The following RAI14 variants were observed in gnomAD, a reference collection of about 807,000 sequenced individuals.
RAI14 encodes the protein ankycorbin.
Under a neutral mutation model 115.4 loss-of-function variants are expected in RAI14, and 45 were observed. The observed-to-expected ratio is 0.39, with a 90% CI of 0.31 to 0.50. The LOEUF is 0.50. RAI14 is among the 20% of genes least tolerant of loss of function. The pLI is 0.85. For missense variants in RAI14, 939 were observed against 1,131.2 expected (o/e 0.83, Z 2.44); for synonymous variants, 371 against 415.4 (o/e 0.89, Z 1.30).
chr5:34,809,896 A>T (rs947585226), intron 7 of RAI14, among the ~76,000 whole-genome samples: 1 of 152,184 alleles, frequency 6.6e-6, no homozygotes, highest in African/African-American at 2.4e-5. Flanking sequence ...CTTTGAGAAT[A>T]AATTTATATA....
chr5:34,824,573 G>A (rs1359932295), intron 15 of RAI14, 82 bp downstream of exon 15: 1 of 1,159,558 alleles, frequency 8.6e-7, no homozygotes, highest in African/African-American at 1.6e-5. Context: ...TATTTCTAGT[G>A]TTGGCACTAA....
intron 10 of RAI14, 36 bp from the exon 11 acceptor site, chr5:34,813,538 A>G: frequency 6.6e-7 from 1 of 1,512,470 alleles, no homozygotes; most frequent in Non-Finnish European, 9.2e-7. Context: ...AACCAAACTA[A>G]CCCACCTCCA....
intron 2 of RAI14, among the ~76,000 whole-genome samples, chr5:34,727,985 T>C (rs897960850): frequency 3.3e-5 from 5 of 152,140 alleles, no homozygotes; most frequent in African/African-American, 1.2e-4. Context: ...GCTTGCACCG[T>C]GCACCTGGGA....
intron 17 of RAI14, 121 bp from the exon 18 acceptor site, chr5:34,830,567 C>A: frequency 6.7e-7 from 1 of 1,497,494 alleles, no homozygotes; most frequent in Admixed American, 2.1e-5. Context: ...GCTGACATTC[C>A]TGTGAAAGAT....
At chr5:34,812,014 A>G in intron 9 of RAI14, 69 bp downstream of exon 9, 1 of 1,372,756 alleles carries the variant, frequency 7.3e-7, no homozygotes, top group Non-Finnish European at 1.0e-6. Context: ...GGATAAAGGA[A>G]TGTGTGCAAT....
At chr5:34,793,028 C>T (rs139395957) in intron 3 of RAI14, among the ~76,000 whole-genome samples, 2 of 152,282 alleles carry the variant, frequency 1.3e-5, no homozygotes, top group Admixed American at 6.5e-5. Flanking sequence ...CGCTATCACA[C>T]GATTTATTAA....
chr5:34,696,436 G>T (rs541307359), intron 2 of RAI14, among the ~76,000 whole-genome samples: 1 of 151,900 alleles, frequency 6.6e-6, no homozygotes, highest in Non-Finnish European at 1.5e-5. Context: ...ACGCCCGGCC[G>T]CATTTTACTT....
intron 3 of RAI14, among the ~76,000 whole-genome samples, chr5:34,766,025 G>A (rs1253583080): frequency 1.3e-5 from 2 of 152,212 alleles, no homozygotes; most frequent in Non-Finnish European, 2.9e-5. Context: ...GAGCTTACAA[G>A]TATACAAAAG....
chr5:34,670,939 C>G (rs1350985673), intron 1 of RAI14, among the ~76,000 whole-genome samples: 1 of 151,998 alleles, frequency 6.6e-6, no homozygotes, highest in Non-Finnish European at 1.5e-5. Flanking sequence ...TAGTTAATTC[C>G]CTATTGATGT....
intron 3 of RAI14, among the ~76,000 whole-genome samples, chr5:34,760,310 G>A (rs1390291967): frequency 6.6e-6 from 1 of 152,208 alleles, no homozygotes; most frequent in Non-Finnish European, 1.5e-5. Flanking sequence ...GCCTCCAAAA[G>A]TGCTGGGATT....
chr5:34,811,837 G>C lies in RAI14; in HGVS notation c.628G>C (p.Asp210His). 1 of 1,613,176 alleles carries C rather than the reference G, an allele frequency of 6.2e-7. No homozygotes were observed. The highest frequency in any genetic ancestry group is 1.1e-5 in the South Asian group (1 of 91,070). The stretch of plus-strand genomic sequence containing the variant: ...GGAAGCCTTAATTAAAAAGGGTGCA[G>C]ACCTAAACCTTGTAGATTCTCTTGG... ...AVEALIKKGA[D>H]LNLVDSLGYN... Residue 210 changes from aspartate (D) to histidine (H), a missense_variant, in exon 9 of 18, where the codon GAC becomes CAC. By Grantham distance (81) the Asp-to-His change is moderately conservative. Transcript: ENST00000265109.
At chr5:34,821,419 C>T (rs550348749) in intron 13 of RAI14, among the ~76,000 whole-genome samples, 1 of 152,050 alleles carries the variant, frequency 6.6e-6, no homozygotes, top group East Asian at 1.9e-4. Flanking sequence ...TTACAAGGCA[C>T]AGGGAAGAAC....
chr5:34,817,237 A>G (rs949044887), intron 12 of RAI14, among the ~76,000 whole-genome samples: 2 of 144,334 alleles, frequency 1.4e-5, no homozygotes, highest in African/African-American at 5.2e-5. Context: ...ACATTGTGCC[A>G]CTGCACTCCA....
At chr5:34,804,322 G>T (rs1754614081) in intron 5 of RAI14, among the ~76,000 whole-genome samples, 1 of 152,208 alleles carries the variant, frequency 6.6e-6, no homozygotes, top group Non-Finnish European at 1.5e-5. Context: ...TTGCCAGGAA[G>T]TTTGTAATGA....
intron 2 of RAI14, among the ~76,000 whole-genome samples, chr5:34,749,570 G>A (rs554635084): frequency 6.6e-5 from 10 of 152,340 alleles, no homozygotes; most frequent in Admixed American, 2.0e-4. Context: ...CTAGATGGAG[G>A]CAGGCAAGGC....
chr5:34,787,126 G>A (rs1752394716), intron 3 of RAI14, among the ~76,000 whole-genome samples: 1 of 152,204 alleles, frequency 6.6e-6, no homozygotes, highest in Non-Finnish European at 1.5e-5. Context: ...ACAGCCTTCA[G>A]CATGGGTGTC....
At chr5:34,768,350 C>T (rs527255429) in intron 3 of RAI14, among the ~76,000 whole-genome samples, 6 of 152,260 alleles carry the variant, frequency 3.9e-5, no homozygotes, top group Admixed American at 3.3e-4. Context: ...CCTGATAATT[C>T]GATAACAGAA....
chr5:34,748,798 C>CAAATTAAAAAAATAA (rs1746628004), intron 2 of RAI14, among the ~76,000 whole-genome samples: 2 of 130,840 alleles, frequency 1.5e-5, no homozygotes, highest in African/African-American at 6.0e-5. Flanking sequence ...TCCGTCTCTA[C>CAAATTAAAAAAATAA]AAATTAAAAA....
chr5:34,696,081 A>G (rs1252680470), intron 2 of RAI14, among the ~76,000 whole-genome samples: 1 of 152,162 alleles, frequency 6.6e-6, no homozygotes, highest in Non-Finnish European at 1.5e-5. Flanking sequence ...TGGCATCCCA[A>G]AGTTCTAGGA....
Sources: gnomAD v4.1 joint callset for allele counts (sites outside exome capture counted in the v4.1 genomes callset) on GRCh38, gnomAD v4.1.1 for gene constraint, MANE v1.5 for transcripts, NCBI Gene and HGNC (gene_info 2026-07-23, HGNC 2026-07-21) for gene names.